The following KSR2 variants were observed in gnomAD, a reference collection of about 807,000 sequenced individuals.
KSR2 encodes kinase suppressor of ras 2.
In KSR2, 25 loss-of-function variants were observed where a neutral mutation model predicts 107.8. That is an observed-to-expected ratio of 0.23 (90% CI 0.17 to 0.32). The LOEUF (loss-of-function observed/expected upper bound fraction) is 0.32. KSR2 is among the 10% of genes least tolerant of loss of function. KSR2 has a pLI of 1.00. For missense variants in KSR2, 887 were observed against 1,268.9 expected, an observed-to-expected ratio of 0.70 and a Z score of 4.57; for synonymous variants, 480 against 507.0, an observed-to-expected ratio of 0.95 and a Z score of 0.71.
At chr12:117,734,098 T>C (rs1887838413) in intron 4 of KSR2, among the ~76,000 whole-genome samples, 1 of 152,082 alleles carries the variant, frequency 6.6e-6, no homozygotes, top group Non-Finnish European at 1.5e-5. Flanking sequence ...CTGGCCAACA[T>C]GGTGAAACCC....
At chr12:117,936,599 C>T (rs1404881436) in intron 1 of KSR2, among the ~76,000 whole-genome samples, 2 of 151,454 alleles carry the variant, frequency 1.3e-5, no homozygotes, top group Non-Finnish European at 2.9e-5. Context: ...CTTTGTTGCT[C>T]AGGCTGGTCT....
At chr12:117,778,214 C>T (rs1396116548) in intron 3 of KSR2, among the ~76,000 whole-genome samples, 1 of 152,086 alleles carries the variant, frequency 6.6e-6, no homozygotes. Flanking sequence ...CCTTAGCCTC[C>T]CAAGTAGCTG....
At chr12:117,549,210 C>T (rs1231072187) in intron 9 of KSR2, among the ~76,000 whole-genome samples, 15 of 152,096 alleles carry the variant, frequency 9.9e-5, no homozygotes, top group African/African-American at 3.1e-4. Flanking sequence ...ATGTCAGTGA[C>T]GTGTGGAGTG....
At chr12:117,601,896 T>A (rs1189852485) in intron 5 of KSR2, among the ~76,000 whole-genome samples, 2 of 152,162 alleles carry the variant, frequency 1.3e-5, no homozygotes, top group Non-Finnish European at 2.9e-5. Context: ...GGGAAGGATC[T>A]AGAGCTAGGC....
intron 1 of KSR2, among the ~76,000 whole-genome samples, chr12:117,869,465 A>G (rs1893582733): frequency 6.6e-6 from 1 of 152,234 alleles, no homozygotes; most frequent in Non-Finnish European, 1.5e-5. Context: ...CCCTGGAGGT[A>G]GAGCGGGTAA....
chr12:117,614,217 G>GA (rs1219031058), intron 5 of KSR2, among the ~76,000 whole-genome samples: 1 of 152,100 alleles, frequency 6.6e-6, no homozygotes, highest in African/African-American at 2.4e-5. Flanking sequence ...TATATGTACA[G>GA]AAAAAAACTT....
intron 14 of KSR2, among the ~76,000 whole-genome samples, chr12:117,487,893 A>G (rs937118739): frequency 1.3e-5 from 2 of 152,186 alleles, no homozygotes; most frequent in Non-Finnish European, 2.9e-5. Context: ...CACAGCTACT[A>G]AAGTGAAATA....
At chr12:117,514,911 C>T (rs1874269424) in intron 14 of KSR2, among the ~76,000 whole-genome samples, 1 of 152,102 alleles carries the variant, frequency 6.6e-6, no homozygotes. Flanking sequence ...AGCTCTTGCC[C>T]CTCCCCTGGC....
chr12:117,965,517 G>A (rs1330326187), intron 1 of KSR2, among the ~76,000 whole-genome samples: 3 of 152,108 alleles, frequency 2.0e-5, no homozygotes, highest in South Asian at 2.1e-4. Context: ...AGTCCACCTT[G>A]CATATTTTTG....
chr12:117,496,967 C>T (rs1480264984), intron 14 of KSR2, among the ~76,000 whole-genome samples: 2 of 151,696 alleles, frequency 1.3e-5, no homozygotes, highest in Non-Finnish European at 2.9e-5. Context: ...TCTCCTGCCT[C>T]AGCCTCCCAA....
At chr12:117,500,603 T>G (rs1187466165) in intron 14 of KSR2, among the ~76,000 whole-genome samples, 1 of 152,252 alleles carries the variant, frequency 6.6e-6, no homozygotes, top group Non-Finnish European at 1.5e-5. Context: ...TCCTAACCAC[T>G]AAGCTATATG....
intron 5 of KSR2, among the ~76,000 whole-genome samples, chr12:117,589,973 G>T (rs1376033045): frequency 2.0e-5 from 3 of 152,188 alleles, no homozygotes; most frequent in Non-Finnish European, 4.4e-5. Context: ...AGACCAGGGT[G>T]GGCTTTGGTT....
chr12:117,916,715 A>G (rs1174704591), intron 1 of KSR2, among the ~76,000 whole-genome samples: 1 of 152,194 alleles, frequency 6.6e-6, no homozygotes, highest in Non-Finnish European at 1.5e-5. Flanking sequence ...GCCACAGGAT[A>G]ACTAAGCCAC....
At chr12:117,744,452 C>A (rs1314332370) in intron 4 of KSR2, among the ~76,000 whole-genome samples, 2 of 152,098 alleles carry the variant, frequency 1.3e-5, no homozygotes, top group Non-Finnish European at 2.9e-5. Context: ...CCTTTATGAG[C>A]CTTTTCTTCC....
At chr12:117,541,402 T>C (rs561720571) in intron 9 of KSR2, among the ~76,000 whole-genome samples, 14 of 152,208 alleles carry the variant, frequency 9.2e-5, no homozygotes, top group Non-Finnish European at 1.9e-4. Flanking sequence ...AAGGGACAGA[T>C]TGGTGCTGCC....
intron 3 of KSR2, among the ~76,000 whole-genome samples, chr12:117,762,383 A>G (rs1889068177): frequency 6.6e-6 from 1 of 152,214 alleles, no homozygotes; most frequent in Admixed American, 6.5e-5. Flanking sequence ...GCATTTGTCC[A>G]GTAAACATCC....
chr12:117,914,041 A>T (rs1442542666), intron 1 of KSR2, among the ~76,000 whole-genome samples: 2 of 152,186 alleles, frequency 1.3e-5, no homozygotes, highest in Non-Finnish European at 2.9e-5. Flanking sequence ...TGTAATATGG[A>T]AACAGTATAC....
At chr12:117,726,289 G>C (rs1056782112) in intron 4 of KSR2, among the ~76,000 whole-genome samples, 2 of 152,120 alleles carry the variant, frequency 1.3e-5, no homozygotes, top group Non-Finnish European at 2.9e-5. Context: ...GAAATGGCCA[G>C]TAAGTCCCAA....
chr12:117,732,999 C>T (rs868763356), intron 4 of KSR2, among the ~76,000 whole-genome samples: 7 of 152,174 alleles, frequency 4.6e-5, no homozygotes, highest in Admixed American at 3.9e-4. Context: ...GCTGTGTCAT[C>T]AGAGCCACGC....
Sources: allele counts gnomAD v4.1 joint callset (sites outside exome capture counted in the v4.1 genomes callset), GRCh38; gene constraint gnomAD v4.1.1; transcripts MANE v1.5; gene names NCBI Gene and HGNC (gene_info 2026-07-23, HGNC 2026-07-21).